Variants in UST observed in about 807,000 individuals in gnomAD.
UST encodes uronyl 2-sulfotransferase, also known as chondroitin sulfate 2-O-sulfotransferase.
UST carries 21 observed loss-of-function variants against 45.6 expected under a neutral mutation model. The observed-to-expected ratio is 0.46, with a 90% confidence interval of 0.33 to 0.66. UST has a LOEUF of 0.66. Ranked by LOEUF, UST falls within the 30% of genes least tolerant of loss-of-function variation. The pLI is 0.02. For synonymous variants in UST, 215 were observed against 200.6 expected, an observed-to-expected ratio of 1.07 and a Z score of -0.61; for missense variants, 463 against 512.4, an observed-to-expected ratio of 0.90 and a Z score of 0.93.
intron 2 of UST, among the ~76,000 whole-genome samples, chr6:148,928,595 T>C (rs950294876): frequency 6.6e-6 from 1 of 152,234 alleles, no homozygotes; most frequent in Non-Finnish European, 1.5e-5. Flanking sequence ...AGGTAACAGA[T>C]GAAAGCAAAA....
chr6:148,769,496 G>A (rs1423048751), intron 1 of UST, among the ~76,000 whole-genome samples: 1 of 152,266 alleles, frequency 6.6e-6, no homozygotes, highest in Non-Finnish European at 1.5e-5. Flanking sequence ...CCACCGTGCA[G>A]CTGTGTGACC....
chr6:149,011,114 C>T (rs760895599), intron 5 of UST, among the ~76,000 whole-genome samples: 16 of 152,002 alleles, frequency 1.1e-4, no homozygotes, highest in African/African-American at 2.4e-4. Context: ...GTAGATATGC[C>T]GCCATAAAAA....
chr6:149,032,253 C>T (rs1413866475), intron 7 of UST, among the ~76,000 whole-genome samples: 1 of 152,170 alleles, frequency 6.6e-6, no homozygotes, highest in Non-Finnish European at 1.5e-5. Context: ...CCTACCACCA[C>T]CCAAGCTCCC....
At chr6:148,881,307 T>C (rs2114836379) in intron 1 of UST, among the ~76,000 whole-genome samples, 1 of 152,242 alleles carries the variant, frequency 6.6e-6, no homozygotes, top group East Asian at 1.9e-4. Flanking sequence ...GTTTGGCTGA[T>C]GATAGGAATG....
chr6:148,972,279 C>G (rs757948589), intron 5 of UST, among the ~76,000 whole-genome samples: 6 of 152,012 alleles, frequency 3.9e-5, no homozygotes, highest in African/African-American at 1.5e-4. Flanking sequence ...AAAGGAGAGG[C>G]GGACAGAGGA....
chr6:149,021,485 A>C lies in UST; in HGVS notation c.937+4A>C. On this transcript the variant is annotated splice_donor_region_variant and intron_variant, in intron 7 of 7. Transcript: ENST00000367463. Reference sequence around the variant, plus strand: ...CTCAGTATCTACAAAGACCCAGGTAACTTCATTTGTAAGCAAGCTCTTCTC... The same window carrying C: ...CTCAGTATCTACAAAGACCCAGGTACCTTCATTTGTAAGCAAGCTCTTCTC... 6.2e-7 allele frequency: 1 copy of C among 1,613,948 alleles called. No homozygotes were observed. The highest frequency in any genetic ancestry group is 1.7e-4 in the Middle Eastern group (1 of 6,060).
intron 1 of UST, among the ~76,000 whole-genome samples, chr6:148,874,855 G>C (rs143743439): frequency 3.2e-4 from 49 of 152,266 alleles, no homozygotes; most frequent in South Asian, 1.2e-3. Flanking sequence ...ATGGTTTAAC[G>C]GTGGAAAGTG....
chr6:149,001,938 CTTTATTAGAAAAAA>C (rs1781556887), intron 5 of UST, among the ~76,000 whole-genome samples: 1 of 152,200 alleles, frequency 6.6e-6, no homozygotes, highest in Middle Eastern at 3.4e-3. Flanking sequence ...TTACTTCATG[CTTTATTAGAAAAAA>C]TTTAATCAAG....
intron 1 of UST, among the ~76,000 whole-genome samples, chr6:148,815,271 T>G (rs777507448): frequency 1.2e-4 from 18 of 152,252 alleles, no homozygotes; most frequent in Non-Finnish European, 1.8e-4. Flanking sequence ...CTAATAGTAT[T>G]AGTTGCCTCT....
chr6:148,901,308 A>C (rs1779251790), intron 2 of UST, among the ~76,000 whole-genome samples: 1 of 152,350 alleles, frequency 6.6e-6, no homozygotes, highest in Non-Finnish European at 1.5e-5. Context: ...ATCCATATTA[A>C]TCAAGATAGG....
chr6:148,878,430 G>T (rs1582872931), intron 1 of UST, among the ~76,000 whole-genome samples: 6 of 123,594 alleles, frequency 4.9e-5, no homozygotes, highest in Admixed American at 8.1e-5. Flanking sequence ...GGTCGTGTAT[G>T]AGTGTGGGGG....
At chr6:148,750,848 T>A (rs528861859) in intron 1 of UST, among the ~76,000 whole-genome samples, 11 of 152,174 alleles carry the variant, frequency 7.2e-5, no homozygotes, top group Non-Finnish European at 1.2e-4. Flanking sequence ...GGACAACAAC[T>A]GGGAGTAATG....
intron 1 of UST, among the ~76,000 whole-genome samples, chr6:148,882,379 G>A (rs373414794): frequency 1.3e-5 from 2 of 151,550 alleles, no homozygotes; most frequent in Admixed American, 6.6e-5. Flanking sequence ...CCAGCTACTC[G>A]GGAGGCTGAG....
At chr6:149,044,975 C>G (rs1776377014) in intron 7 of UST, among the ~76,000 whole-genome samples, 1 of 152,220 alleles carries the variant, frequency 6.6e-6, no homozygotes, top group Non-Finnish European at 1.5e-5. Flanking sequence ...AGTGAGCACA[C>G]ATTGCTGAAA....
intron 6 of UST, among the ~76,000 whole-genome samples, chr6:149,020,694 C>A (rs987169635): frequency 1.3e-5 from 2 of 152,164 alleles, no homozygotes; most frequent in Non-Finnish European, 2.9e-5. Context: ...GCCTGGAGCC[C>A]CACTCCCGGG....
intron 5 of UST, among the ~76,000 whole-genome samples, chr6:149,000,423 C>A (rs960428905): frequency 3.3e-5 from 5 of 152,038 alleles, no homozygotes; most frequent in Non-Finnish European, 7.4e-5. Flanking sequence ...CACAAAACCA[C>A]TAGAATAAGA....
At chr6:149,045,756 C>A (rs1454682856) in intron 7 of UST, among the ~76,000 whole-genome samples, 1 of 152,162 alleles carries the variant, frequency 6.6e-6, no homozygotes, top group Admixed American at 6.5e-5. Flanking sequence ...AGCAAGGCAA[C>A]CCCCTTCTAG....
At chr6:148,756,589 A>T (rs1053331108) in intron 1 of UST, among the ~76,000 whole-genome samples, 11 of 152,216 alleles carry the variant, frequency 7.2e-5, no homozygotes, top group African/African-American at 2.7e-4. Flanking sequence ...ACTTCTGCTA[A>T]TGTCTTTGTA....
intron 2 of UST, among the ~76,000 whole-genome samples, chr6:148,921,147 A>G (rs1161653920): frequency 2.0e-5 from 3 of 152,234 alleles, no homozygotes; most frequent in Admixed American, 1.3e-4. Context: ...TTAATGGCCA[A>G]TTGCTGGTGG....
Sources: allele counts gnomAD v4.1 joint callset (sites outside exome capture counted in the v4.1 genomes callset), GRCh38; gene constraint gnomAD v4.1.1; transcripts MANE v1.5; gene names NCBI Gene and HGNC (gene_info 2026-07-23, HGNC 2026-07-21).